KIAA1614: variants seen among roughly 807,000 people sequenced by gnomAD.
KIAA1614 encodes the protein uncharacterized protein KIAA1614.
KIAA1614 carries 76 observed loss-of-function variants against 88.7 expected under a neutral mutation model. The ratio of observed to expected loss-of-function variants is 0.86; its 90% CI spans 0.71 to 1.04. The LOEUF is 1.04. Among genes scored for constraint, KIAA1614 ranks in the 50% least tolerant of loss-of-function variants. The probability of loss-of-function intolerance (pLI) is 0.00; values close to 1 mark genes in which losing one functional copy is unlikely to be tolerated. For synonymous variants in KIAA1614, 714 were observed against 675.5 expected (o/e 1.06, Z -0.88); for missense variants, 1,553 against 1,582.5 (o/e 0.98, Z 0.32).
rs772281469 is a variant in KIAA1614, at chr1:180,936,427, G to C, written c.2518G>C (p.Val840Leu). 1.2e-6 allele frequency: 2 copies of C among 1,614,226 alleles called. No individual in the cohort carries two copies. Among genetic ancestry groups the C allele is most frequent in the South Asian group, 2.2e-5 (2 of 91,092 alleles). Residue 840 changes from valine to leucine, a missense_variant, in exon 5 of 9, where the codon GTG becomes CTG. Transcript: ENST00000367588. ...LLRLGDQTEP[V>L]GIPRPPSRSA... is the part of the protein sequence containing the mutation. The stretch of plus-strand genomic sequence containing the variant: ...CAGGCTGGGTGACCAGACAGAGCCT[G>C]TGGGTATCCCTCGGCCTCCTTCAAG...
At chr1:180,938,015 C>T (rs896195419) in intron 5 of KIAA1614, among the ~76,000 whole-genome samples, 1 of 152,176 alleles carries the variant, frequency 6.6e-6, no homozygotes. Context: ...AAAGTGAGGA[C>T]GATGACGGCA....
At chr1:180,918,035 C>T (rs916265995) in intron 3 of KIAA1614, 121 bp downstream of exon 3, 11 of 799,776 alleles carry the variant, frequency 1.4e-5, no homozygotes, top group Non-Finnish European at 2.3e-5. Flanking sequence ...CCTGCACCAG[C>T]AGACCAGTGG....
intron 4 of KIAA1614, among the ~76,000 whole-genome samples, chr1:180,934,267 A>G (rs1654266105): frequency 1.8e-5 from 2 of 113,778 alleles, no homozygotes; most frequent in East Asian, 2.8e-4. Flanking sequence ...AAAAAAAAAA[A>G]AAAGAAAAGA....
intron 2 of KIAA1614, 62 bp from the exon 3 acceptor site, chr1:180,917,789 G>T: frequency 7.5e-7 from 1 of 1,331,004 alleles, no homozygotes; most frequent in Non-Finnish European, 1.1e-6. Context: ...TGTTCACTAA[G>T]TGGCAGCTGA....
intron 3 of KIAA1614, among the ~76,000 whole-genome samples, chr1:180,924,000 C>A (rs952568438): frequency 2.6e-5 from 4 of 152,068 alleles, no homozygotes; most frequent in African/African-American, 9.7e-5. Context: ...TGTAACCACT[C>A]AACAGTGTTT....
chr1:180,918,796 G>C (rs975129468), intron 3 of KIAA1614, among the ~76,000 whole-genome samples: 1 of 152,224 alleles, frequency 6.6e-6, no homozygotes, highest in Admixed American at 6.5e-5. Context: ...AACGTGGACA[G>C]ACCTCTGTCT....
Position 180,935,388 on chromosome 1 carries a change from C to T in KIAA1614, c.1479C>T (p.Asp493=). The T allele has an allele frequency of 6.8e-7, 1 of 1,470,166 alleles. No individual in the cohort carries two copies. Among genetic ancestry groups the T allele is most frequent in the Non-Finnish European group, 8.9e-7 (1 of 1,117,376 alleles). 91.1% of individuals were successfully genotyped at this position (1,470,166 alleles called of 1,614,324 possible). Residue 493 remains aspartate (D), a synonymous_variant, in exon 5 of 9, where the codon GAC becomes GAT. Coordinates refer to ENST00000367588, the MANE Select transcript of KIAA1614 (RefSeq NM_020950.2). The surrounding 1 kb of genome is among the most constrained non-coding windows in gnomAD (Gnocchi z 6.1). ...ADQGPLRSKP[D]LADYINGAPR... Reference sequence around the variant, plus strand: ...AGGGCCCCCTGCGCTCCAAGCCCGACCTCGCCGACTACATCAACGGGGCTC... The same window carrying T: ...AGGGCCCCCTGCGCTCCAAGCCCGATCTCGCCGACTACATCAACGGGGCTC...
Position 180,945,875 on chromosome 1 carries a change from C to A in KIAA1614, c.*287C>A. The A allele has an allele frequency of 2.8e-6, 3 of 1,061,582 alleles. No individual in the cohort carries two copies. Among genetic ancestry groups the A allele is most frequent in the Non-Finnish European group, 3.5e-6 (3 of 855,886 alleles). 65.8% of individuals were successfully genotyped at this position (1,061,582 alleles called of 1,614,324 possible). ...ATCCCAGAACTTTGGGAGGCCGAGG[C>A]GCCTGGATCACCTGAGGTCAGGAGT... On this transcript the variant is annotated 3_prime_UTR_variant, in exon 9 of 9. Transcript: ENST00000367588.
At chr1:180,918,527 A>G (rs1241815427) in intron 3 of KIAA1614, among the ~76,000 whole-genome samples, 2 of 152,140 alleles carry the variant, frequency 1.3e-5, no homozygotes, top group Non-Finnish European at 2.9e-5. Context: ...AGAAAAGTAC[A>G]CTCAAGGTGG....
In KIAA1614 at chr1:180,916,887, G is replaced by C. The variant is rs745575597; in HGVS notation, c.784G>C (p.Glu262Gln). 2 of 1,614,214 alleles carry C rather than the reference G, an allele frequency of 1.2e-6. No individual in the cohort carries two copies. The highest frequency in any genetic ancestry group is 1.7e-6 in the Non-Finnish European group (2 of 1,180,040). The stretch of plus-strand genomic sequence containing the variant: ...TCTGGATAGCACATCCCTGACCTCC[G>C]AGGAGGTCTTTGTCCCCAGGACGGC... The part of the protein sequence containing the change: ...ADLDSTSLTS[E>Q]EVFVPRTALL... Residue 262 changes from glutamate (E) to glutamine (Q), a missense_variant, in exon 2 of 9, where the codon GAG becomes CAG. Transcript: ENST00000367588.
intron 3 of KIAA1614, among the ~76,000 whole-genome samples, chr1:180,919,363 C>G (rs1410206321): frequency 6.6e-6 from 1 of 152,192 alleles, no homozygotes; most frequent in Admixed American, 6.5e-5. Context: ...GTTTCCAGAC[C>G]CTCCTCTGGT....
intron 3 of KIAA1614, among the ~76,000 whole-genome samples, chr1:180,927,528 C>T (rs1654095678): frequency 6.6e-6 from 1 of 152,240 alleles, no homozygotes; most frequent in South Asian, 2.1e-4. Context: ...GGAGAGAACA[C>T]CTGCCCTCGG....
rs949690324 is a variant in KIAA1614 at position 180,913,167 on chromosome 1, G to T, written c.-77G>T. 8.8e-6 allele frequency: 10 copies of T among 1,139,586 alleles called. No homozygotes were observed. The African/African-American group carries it at 1.4e-4, about 17-fold the overall frequency. The allele number at this position is 1,139,586 out of a possible 1,614,324, so 70.6% of individuals were successfully genotyped here. ...CACTCCCTCCGGCCCCGGATTCGGG[G>T]CTGGAAGTCCCTCCCCGAACCCAGC... On this transcript the variant is annotated 5_prime_UTR_variant, in exon 1 of 9. Coordinates refer to ENST00000367588, the MANE Select transcript of KIAA1614 (RefSeq NM_020950.2).
chr1:180,922,086 G>C (rs1008610419), intron 3 of KIAA1614, among the ~76,000 whole-genome samples: 1 of 152,230 alleles, frequency 6.6e-6, no homozygotes, highest in Admixed American at 6.5e-5. Flanking sequence ...CGAGGCCCTC[G>C]GCCTCCTCGG....
Position 180,916,147 on chromosome 1 carries a change from C to T in KIAA1614, c.51-7C>T, listed in dbSNP as rs572727647. The T allele has an allele frequency of 5.8e-6, 9 of 1,538,766 alleles. No individual in the cohort carries two copies. The highest frequency in any genetic ancestry group is 1.3e-5 in the South Asian group (1 of 79,590). The stretch of plus-strand genomic sequence containing the variant: ...GTCTTAGGAACTCTGTCTGTTTTCT[C>T]CTCCAGAGGGCCCAAGACAGGGAGT... On this transcript the variant is annotated splice_polypyrimidine_tract_variant and splice_region_variant and intron_variant, in intron 1 of 8. Transcript: ENST00000367588.
chr1:180,936,119 T>C lies in KIAA1614; in HGVS notation c.2210T>C (p.Leu737Ser). 1 of 1,614,162 alleles carries C rather than the reference T, an allele frequency of 6.2e-7. No individual in the cohort carries two copies. The highest frequency in any genetic ancestry group is 8.5e-7 in the Non-Finnish European group (1 of 1,180,010). The change falls in exon 5 of 9, where the codon TTG becomes TCG. Residue 737 changes from leucine to serine, a missense_variant. Physicochemically the swap from Leu to Ser is moderately radical, Grantham distance 145. Coordinates refer to ENST00000367588, the MANE Select transcript of KIAA1614 (RefSeq NM_020950.2). ...PGLGSHQPHP[L>S]DSRTPCRTAY... Reference sequence around the variant, plus strand: ...CTGGGAAGTCACCAGCCTCACCCTTTGGATTCCCGGACTCCATGCAGGACA... The same window carrying C: ...CTGGGAAGTCACCAGCCTCACCCTTCGGATTCCCGGACTCCATGCAGGACA...
chr1:180,934,194 C>T (rs569804621), intron 4 of KIAA1614, among the ~76,000 whole-genome samples: 11 of 145,098 alleles, frequency 7.6e-5, no homozygotes, highest in South Asian at 4.3e-4. Context: ...GCGGAGGTTG[C>T]GGTCCTGAGA....
intron 4 of KIAA1614, among the ~76,000 whole-genome samples, chr1:180,930,485 A>G (rs927582625): frequency 6.6e-6 from 1 of 152,182 alleles, no homozygotes; most frequent in African/African-American, 2.4e-5. Context: ...GTATATAAAT[A>G]TATGGTGAGA....
intron 3 of KIAA1614, among the ~76,000 whole-genome samples, chr1:180,919,266 G>T (rs535894714): frequency 1.2e-4 from 18 of 152,230 alleles, no homozygotes; most frequent in Admixed American, 7.2e-4. Context: ...GGGATGTCTG[G>T]CTCCTTCATC....
Sources: allele counts gnomAD v4.1 joint callset (sites outside exome capture counted in the v4.1 genomes callset), GRCh38; gene constraint gnomAD v4.1.1; non-coding constraint Gnocchi (gnomAD v3.1); transcripts MANE v1.5; gene names NCBI Gene and HGNC (gene_info 2026-07-23, HGNC 2026-07-21).